CNTNAP2: variants seen among roughly 807,000 people sequenced by gnomAD.
CNTNAP2 encodes contactin-associated protein-like 2.
In CNTNAP2, 98 loss-of-function variants were observed where a neutral mutation model predicts 155.2. The observed-to-expected ratio is 0.63, with a 90% CI of 0.54 to 0.75. CNTNAP2 has a LOEUF of 0.75. CNTNAP2 is among the 30% of genes least tolerant of loss of function. The pLI is 0.00. For synonymous variants in CNTNAP2, 651 were observed against 631.2 expected (o/e 1.03, Z -0.47); for missense variants, 1,727 against 1,688.1 (o/e 1.02, Z -0.40).
intron 1 of CNTNAP2, among the ~76,000 whole-genome samples, chr7:146,242,836 A>C (rs2693291): frequency 0.018 from 2,692 of 152,316 alleles, 90 homozygotes; most frequent in African/African-American, 0.063. Context: ...TTATAGAATG[A>C]TAGCACATTT....
chr7:148,027,615 G>T (rs933987418), intron 15 of CNTNAP2, among the ~76,000 whole-genome samples: 1 of 152,126 alleles, frequency 6.6e-6, no homozygotes, highest in Non-Finnish European at 1.5e-5. Flanking sequence ...ACTCCAACCT[G>T]TTGGGTCAGA....
intron 1 of CNTNAP2, among the ~76,000 whole-genome samples, chr7:146,608,657 T>A (rs1799085882): frequency 6.6e-6 from 1 of 152,206 alleles, no homozygotes; most frequent in Non-Finnish European, 1.5e-5. Context: ...TTTGTGCTAC[T>A]AAAATTTCCA....
intron 13 of CNTNAP2, among the ~76,000 whole-genome samples, chr7:147,833,059 C>G (rs1015816460): frequency 6.7e-6 from 1 of 150,034 alleles, no homozygotes; most frequent in Non-Finnish European, 1.5e-5. Flanking sequence ...AGAGTTCTTT[C>G]AGCAAGCACA....
At chr7:146,468,996 G>A (rs75830312) in intron 1 of CNTNAP2, among the ~76,000 whole-genome samples, 3,245 of 152,288 alleles carry the variant, frequency 0.021, 76 homozygotes, top group African/African-American at 0.052. Flanking sequence ...TTTCTCTGAT[G>A]TCAAGTAAAA....
intron 3 of CNTNAP2, among the ~76,000 whole-genome samples, chr7:146,949,432 C>T (rs773425461): frequency 9.9e-5 from 15 of 152,120 alleles, no homozygotes; most frequent in Non-Finnish European, 1.8e-4. Context: ...GATTTCTCCA[C>T]GTTGCCTGGT....
chr7:148,242,109 T>C (rs1796168313), intron 20 of CNTNAP2, among the ~76,000 whole-genome samples: 1 of 152,194 alleles, frequency 6.6e-6, no homozygotes, highest in African/African-American at 2.4e-5. Flanking sequence ...TTCCTGGATT[T>C]CTATTTTGTC....
intron 13 of CNTNAP2, among the ~76,000 whole-genome samples, chr7:147,649,344 G>A (rs904548318): frequency 2.0e-5 from 3 of 152,134 alleles, no homozygotes; most frequent in Non-Finnish European, 4.4e-5. Context: ...GAAAAGCCAT[G>A]TTCAAATAAA....
chr7:146,931,452 T>G (rs1247169523), intron 3 of CNTNAP2, among the ~76,000 whole-genome samples: 1 of 147,914 alleles, frequency 6.8e-6, no homozygotes, highest in East Asian at 2.0e-4. Flanking sequence ...TAGAGGGAAA[T>G]TTATAGCACT....
intron 12 of CNTNAP2, among the ~76,000 whole-genome samples, chr7:147,628,798 G>A (rs1177948738): frequency 1.4e-5 from 2 of 147,566 alleles, no homozygotes; most frequent in Non-Finnish European, 3.0e-5. Flanking sequence ...CCATGCAAAT[G>A]GAAACCAAAA....
chr7:146,524,048 T>A (rs920998826), intron 1 of CNTNAP2, among the ~76,000 whole-genome samples: 1 of 152,124 alleles, frequency 6.6e-6, no homozygotes, highest in Non-Finnish European at 1.5e-5. Flanking sequence ...TTAATCAATA[T>A]CCCAGGGCAT....
At chr7:147,409,439 A>G (rs2116484827) in intron 10 of CNTNAP2, among the ~76,000 whole-genome samples, 1 of 152,340 alleles carries the variant, frequency 6.6e-6, no homozygotes, top group African/African-American at 2.4e-5. Context: ...ACCCAAAACT[A>G]TAAACACTTT....
At position 147,132,243 on chromosome 7, in the gene CNTNAP2, A is replaced by G; in HGVS notation, c.1084-2A>G. 6.2e-7 allele frequency: 1 copy of G among 1,613,568 alleles called. No homozygotes were observed. The highest frequency in any genetic ancestry group is 8.5e-7 in the Non-Finnish European group (1 of 1,179,668). ...CTCAGAGCCTGTCTTTCTATTTTAC[A>G]GGGAAATTTGAGCTTTTCTTGTGTG... On this transcript the variant is annotated splice_acceptor_variant, in intron 7 of 23. Coordinates refer to ENST00000361727, the MANE Select transcript of CNTNAP2 (RefSeq NM_014141.6). LOFTEE classifies it high-confidence loss of function.
At chr7:147,705,490 G>C (rs924602901) in intron 13 of CNTNAP2, among the ~76,000 whole-genome samples, 1 of 152,140 alleles carries the variant, frequency 6.6e-6, no homozygotes, top group African/African-American at 2.4e-5. Flanking sequence ...CCTGGGAAAT[G>C]TTCCATGTAC....
chr7:148,383,751 C>T lies in CNTNAP2; in HGVS notation c.3578C>T (p.Ala1193Val), dbSNP rs1443448379. The T allele has an allele frequency of 6.2e-7, 1 of 1,614,222 alleles. No individual in the cohort carries two copies. The highest frequency in any genetic ancestry group is 8.5e-7 in the Non-Finnish European group (1 of 1,180,044). The change falls in exon 22 of 24, where the codon GCC (alanine) becomes GTC (valine). Residue 1193 changes from alanine (A) to valine (V), a missense_variant. Coordinates refer to ENST00000361727, the MANE Select transcript of CNTNAP2 (RefSeq NM_014141.6). ...QFNQIAPLKAALRQTNASAHV... is the reference protein window; with the variant it reads ...QFNQIAPLKAVLRQTNASAHV... ...AACCAGATCGCCCCTCTCAAGGCCG[C>T]CTTGAGGCAGACAAACGCCTCGGCT...
intron 20 of CNTNAP2, among the ~76,000 whole-genome samples, chr7:148,252,543 C>T (rs1229317254): frequency 6.6e-6 from 1 of 152,170 alleles, no homozygotes; most frequent in Non-Finnish European, 1.5e-5. Context: ...ACACAACCGC[C>T]CAAAGCATTC....
At chr7:147,303,957 T>C (rs1794985054) in intron 9 of CNTNAP2, among the ~76,000 whole-genome samples, 1 of 152,222 alleles carries the variant, frequency 6.6e-6, no homozygotes, top group East Asian at 1.9e-4. Context: ...TCCTGCTCAC[T>C]GAAAGCCTCA....
chr7:146,180,787 T>A (rs1798538676), intron 1 of CNTNAP2, among the ~76,000 whole-genome samples: 1 of 152,200 alleles, frequency 6.6e-6, no homozygotes, highest in Non-Finnish European at 1.5e-5. Context: ...ACTTTATGTA[T>A]TAAACAAAAT....
chr7:147,894,399 C>G (rs941139573), intron 13 of CNTNAP2, among the ~76,000 whole-genome samples: 1 of 152,052 alleles, frequency 6.6e-6, no homozygotes, highest in South Asian at 2.1e-4. Flanking sequence ...ACTGCAAGGG[C>G]CTTCAAATAA....
intron 3 of CNTNAP2, among the ~76,000 whole-genome samples, chr7:146,911,873 T>C (rs1053798479): frequency 1.3e-5 from 2 of 152,178 alleles, no homozygotes; most frequent in Admixed American, 1.3e-4. Flanking sequence ...TTATATATAA[T>C]ACATGGTAAT....
Sources: allele counts gnomAD v4.1 joint callset (sites outside exome capture counted in the v4.1 genomes callset), GRCh38; gene constraint gnomAD v4.1.1; transcripts MANE v1.5; gene names NCBI Gene and HGNC (gene_info 2026-07-23, HGNC 2026-07-21).